The following TAOK1 variants were observed in gnomAD, a reference collection of about 807,000 sequenced individuals.
TAOK1 encodes the protein serine/threonine-protein kinase TAO1.
TAOK1 carries 21 observed loss-of-function variants against 138.3 expected under a neutral mutation model. The ratio of observed to expected loss-of-function variants is 0.15; its 90% CI spans 0.11 to 0.22. The LOEUF is 0.22. TAOK1 is among the 10% of genes least tolerant of loss of function. The probability of loss-of-function intolerance (pLI) is 1.00; values close to 1 mark genes in which losing one functional copy is unlikely to be tolerated. For missense variants in TAOK1, 651 were observed against 1,227.7 expected (o/e 0.53, Z 7.02); for synonymous variants, 361 against 398.4 (o/e 0.91, Z 1.12).
chr17:29,455,664 A>G (rs1449598793), intron 2 of TAOK1, among the ~76,000 whole-genome samples: 1 of 149,472 alleles, frequency 6.7e-6, no homozygotes, highest in East Asian at 1.9e-4. Flanking sequence ...TGTTTTTTTG[A>G]GTGTTTTTAT....
intron 3 of TAOK1, among the ~76,000 whole-genome samples, 185 bp downstream of exon 3, chr17:29,467,401 G>T (rs959076156): frequency 2.6e-4 from 39 of 151,994 alleles, no homozygotes; most frequent in Admixed American, 3.9e-4. Context: ...AGCCTCCCGA[G>T]TAGCTGGGAC....
At chr17:29,478,423 A>G in intron 6 of TAOK1, 76 bp downstream of exon 6, 2 of 1,080,280 alleles carry the variant, frequency 1.9e-6, no homozygotes, top group Non-Finnish European at 2.6e-6. Flanking sequence ...TATTAACTCT[A>G]AAGTTTTTAT....
chr17:29,425,938 T>C (rs1197449664), intron 1 of TAOK1, among the ~76,000 whole-genome samples: 2 of 152,218 alleles, frequency 1.3e-5, no homozygotes, highest in East Asian at 1.9e-4. Context: ...TGGAGTGCAG[T>C]GGCGCGATCT....
At chr17:29,508,298 T>C (rs1364153793) in intron 14 of TAOK1, among the ~76,000 whole-genome samples, 166 bp downstream of exon 14, 1 of 152,208 alleles carries the variant, frequency 6.6e-6, no homozygotes, top group African/African-American at 2.4e-5. Flanking sequence ...AAATTGATAT[T>C]ACAAGAAAGG....
Position 29,423,722 on chromosome 17 carries a change from A to G in TAOK1, c.-94-27733A>G, listed in dbSNP as rs558446408. Among the ~76,000 whole-genome samples, 18 of 151,522 alleles carry G rather than the reference A, an allele frequency of 1.2e-4. No individual in the cohort carries two copies. In the South Asian group the frequency reaches 3.3e-3, roughly 28 times the overall value. ...ATTTAATTCTGTGTGGTCGGAAAAC[A>G]TACTGTCTGAATTTAATTCTTTATT... is the stretch of plus-strand genomic sequence containing the variant. On this transcript the variant is annotated intron_variant, in intron 1 of 19. Coordinates refer to ENST00000261716, the MANE Select transcript of TAOK1 (RefSeq NM_020791.4).
chr17:29,520,217 C>T (rs1264410979), intron 16 of TAOK1, among the ~76,000 whole-genome samples: 1 of 151,282 alleles, frequency 6.6e-6, no homozygotes, highest in African/African-American at 2.4e-5. Context: ...ATGGAAACAG[C>T]TTAAATGTCC....
intron 13 of TAOK1, among the ~76,000 whole-genome samples, chr17:29,504,712 A>G (rs1031081629): frequency 6.6e-6 from 1 of 152,082 alleles, no homozygotes; most frequent in African/African-American, 2.4e-5. Flanking sequence ...TATGATGGGG[A>G]AAAAAAGATA....
intron 2 of TAOK1, among the ~76,000 whole-genome samples, chr17:29,456,112 C>G (rs8069338): frequency 0.014 from 2,157 of 150,390 alleles, 244 homozygotes; most frequent in African/African-American, 0.051. Flanking sequence ...CTTTGGGAGG[C>G]CAAGGCAGGC....
Position 29,509,034 on chromosome 17 carries a change from C to T in TAOK1, c.1575+902C>T, listed in dbSNP as rs545843831. 1.1e-3 allele frequency among the ~76,000 whole-genome samples: 168 copies of T among 152,130 alleles called. 1 individual carries two copies. Among genetic ancestry groups the T allele is most frequent in the Non-Finnish European group, 1.8e-3 (122 of 68,000 alleles). The stretch of plus-strand genomic sequence containing the variant: ...TCCCTTTTCACAAAAAAAGAACATT[C>T]TTATAGTAGTAGGGACCCTGACAAA... On this transcript the variant is annotated intron_variant, in intron 14 of 19. Transcript: ENST00000261716.
At chr17:29,397,672 T>TATACATGTATACATGTATATTCGTGTATG (rs1904679489) in intron 1 of TAOK1, among the ~76,000 whole-genome samples, 1 of 59,614 alleles carries the variant, frequency 1.7e-5, no homozygotes, top group African/African-American at 7.3e-5. Flanking sequence ...ATGATACATG[T>TATACATGTATACATGTATATTCGTGTATG]ATACATGTAT....
At chr17:29,496,370 G>A (rs931153560) in intron 11 of TAOK1, among the ~76,000 whole-genome samples, 2 of 151,726 alleles carry the variant, frequency 1.3e-5, no homozygotes. Context: ...CACCTGCCTC[G>A]GCCTCCCAAA....
intron 7 of TAOK1, among the ~76,000 whole-genome samples, chr17:29,481,503 T>C (rs2031062053): frequency 6.6e-6 from 1 of 152,038 alleles, no homozygotes; most frequent in Admixed American, 6.6e-5. Flanking sequence ...AAATAGACTT[T>C]TGTAATGGGA....
At chr17:29,391,379 G>A (rs1016908965) in intron 1 of TAOK1, among the ~76,000 whole-genome samples, 2 of 152,080 alleles carry the variant, frequency 1.3e-5, no homozygotes, top group African/African-American at 4.8e-5. Context: ...CCTTTGTAGT[G>A]TCTGTGTATT....
Position 29,542,938 on chromosome 17 carries a change from T to C in TAOK1, c.2922T>C (p.Ser974=). The stretch of plus-strand genomic sequence containing the variant: ...CCCAGGCTCTGAGGCGGACAGCTTC[T>C]GGGGGACGGACGGAGCAGGGCATGA... ...NSPQALRRTA[S]GGRTEQGMSR... Residue 974 remains serine (S), a synonymous_variant, in exon 20 of 20, where the codon TCT becomes TCC. Transcript: ENST00000261716. The C allele has an allele frequency of 2.5e-6, 4 of 1,613,632 alleles. No homozygotes were observed. Among genetic ancestry groups the C allele is most frequent in the East Asian group, 4.5e-5 (2 of 44,882 alleles).
At chr17:29,540,137 C>T (rs958470471) in intron 19 of TAOK1, among the ~76,000 whole-genome samples, 2 of 151,992 alleles carry the variant, frequency 1.3e-5, no homozygotes, top group South Asian at 4.2e-4. Flanking sequence ...CCAGGATGGA[C>T]TGGAGTAAGA....
intron 19 of TAOK1, among the ~76,000 whole-genome samples, chr17:29,540,916 G>A (rs529666091): frequency 9.3e-5 from 14 of 150,510 alleles, no homozygotes; most frequent in Non-Finnish European, 1.8e-4. Flanking sequence ...TCTTGGCCAG[G>A]CTGGTCTCAA....
At chr17:29,448,857 C>T (rs1383309444) in intron 1 of TAOK1, among the ~76,000 whole-genome samples, 2 of 152,190 alleles carry the variant, frequency 1.3e-5, no homozygotes, top group Admixed American at 1.3e-4. Context: ...ATGAATGAGA[C>T]ACATTGTGCC....
At chr17:29,440,037 A>G (rs2029893310) in intron 1 of TAOK1, among the ~76,000 whole-genome samples, 2 of 152,130 alleles carry the variant, frequency 1.3e-5, no homozygotes, top group Non-Finnish European at 2.9e-5. Context: ...TTAAAAATGA[A>G]CAAAAATCTT....
chr17:29,522,214 A>T (rs1056873061), intron 16 of TAOK1, 66 bp from the exon 17 acceptor site: 19 of 1,569,192 alleles, frequency 1.2e-5, no homozygotes, highest in Non-Finnish European at 1.6e-5. Context: ...TATTCTGTTA[A>T]TTAGGACTTT....
Sources: gnomAD v4.1 joint callset for allele counts (sites outside exome capture counted in the v4.1 genomes callset) on GRCh38, gnomAD v4.1.1 for gene constraint, MANE v1.5 for transcripts, NCBI Gene and HGNC (gene_info 2026-07-23, HGNC 2026-07-21) for gene names.